Variants in KCNQ5 observed in about 807,000 individuals in gnomAD.
KCNQ5 encodes potassium voltage-gated channel subfamily KQT member 5.
Under a neutral mutation model 98.2 loss-of-function variants are expected in KCNQ5, and 30 were observed. The ratio of observed to expected loss-of-function variants is 0.31; its 90% CI spans 0.23 to 0.41. KCNQ5 has a LOEUF of 0.41. Ranked by LOEUF, KCNQ5 falls within the 10% of genes least tolerant of loss-of-function variation. The pLI is 1.00. For missense variants in KCNQ5, 835 were observed against 1,182.5 expected, an observed-to-expected ratio of 0.71 and a Z score of 4.31; for synonymous variants, 458 against 449.4, an observed-to-expected ratio of 1.02 and a Z score of -0.24.
chr6:73,014,971 A>T (rs1770256439), intron 2 of KCNQ5, among the ~76,000 whole-genome samples: 1 of 152,126 alleles, frequency 6.6e-6, no homozygotes, highest in African/African-American at 2.4e-5. Flanking sequence ...AGGTTTGCAC[A>T]TGAAATTGTA....
At chr6:73,163,200 G>T (rs1283928242) in intron 10 of KCNQ5, among the ~76,000 whole-genome samples, 1 of 151,568 alleles carries the variant, frequency 6.6e-6, no homozygotes, top group African/African-American at 2.4e-5. Context: ...ACCAGCCTGG[G>T]CAACATAACA....
chr6:72,743,643 T>C (rs2154476272), intron 1 of KCNQ5, among the ~76,000 whole-genome samples: 1 of 152,340 alleles, frequency 6.6e-6, no homozygotes, highest in Middle Eastern at 3.4e-3. Context: ...ATTCACTTTG[T>C]ATCTATTACA....
chr6:73,053,461 C>T (rs1332092799), intron 3 of KCNQ5, among the ~76,000 whole-genome samples: 1 of 152,124 alleles, frequency 6.6e-6, no homozygotes, highest in Non-Finnish European at 1.5e-5. Context: ...CTCATCTGCA[C>T]ATGGCCCATA....
At chr6:73,024,325 A>T (rs1486000251) in intron 2 of KCNQ5, among the ~76,000 whole-genome samples, 1 of 80,810 alleles carries the variant, frequency 1.2e-5, no homozygotes, top group East Asian at 3.9e-4. Flanking sequence ...GGTTACCCAC[A>T]TATGTGAACC....
intron 1 of KCNQ5, among the ~76,000 whole-genome samples, chr6:72,750,276 C>T (rs1771609578): frequency 6.6e-6 from 1 of 151,998 alleles, no homozygotes; most frequent in South Asian, 2.1e-4. Flanking sequence ...GAATAATCTG[C>T]ACAATCTGAT....
chr6:72,833,844 A>G (rs2150126331), intron 1 of KCNQ5, among the ~76,000 whole-genome samples: 1 of 152,276 alleles, frequency 6.6e-6, no homozygotes, highest in Admixed American at 6.5e-5. Context: ...ATATGATGGA[A>G]TAACTATACA....
At chr6:72,987,325 A>C (rs1353949059) in intron 1 of KCNQ5, 1 of 706,752 alleles carries the variant, frequency 1.4e-6, no homozygotes, top group Non-Finnish European at 2.7e-6. Flanking sequence ...GACGAGGCGC[A>C]CATAGACCAG....
At chr6:72,929,826 C>G (rs1010068531) in intron 1 of KCNQ5, among the ~76,000 whole-genome samples, 59 of 151,968 alleles carry the variant, frequency 3.9e-4, no homozygotes, top group African/African-American at 1.3e-3. Context: ...TAAAGAATAT[C>G]AAAAAGCCCA....
intron 1 of KCNQ5, among the ~76,000 whole-genome samples, chr6:72,961,490 C>T (rs542270596): frequency 1.2e-4 from 19 of 152,036 alleles, no homozygotes; most frequent in Non-Finnish European, 2.2e-4. Context: ...GGCGTGGTGG[C>T]GGGCGCCTGT....
intron 1 of KCNQ5, among the ~76,000 whole-genome samples, chr6:72,696,683 T>C (rs1768522623): frequency 6.6e-6 from 1 of 152,144 alleles, no homozygotes; most frequent in South Asian, 2.1e-4. Context: ...TATTAAAACA[T>C]AGACTTAAAA....
chr6:72,894,225 C>T (rs192262688), intron 1 of KCNQ5, among the ~76,000 whole-genome samples: 166 of 152,108 alleles, frequency 1.1e-3, no homozygotes, highest in African/African-American at 3.8e-3. Flanking sequence ...TTAACGTTTC[C>T]TGGGAAACAT....
At chr6:73,124,938 T>G (rs948383067) in intron 9 of KCNQ5, among the ~76,000 whole-genome samples, 1 of 45,502 alleles carries the variant, frequency 2.2e-5, no homozygotes, top group East Asian at 6.5e-4. Context: ...TTTGGAGTGA[T>G]ATATATATAT....
At chr6:72,785,871 A>T (rs908841217) in intron 1 of KCNQ5, among the ~76,000 whole-genome samples, 1 of 152,132 alleles carries the variant, frequency 6.6e-6, no homozygotes. Flanking sequence ...CGCAATAAAC[A>T]ATTACTTAGA....
chr6:72,894,369 G>C (rs552372757), intron 1 of KCNQ5, among the ~76,000 whole-genome samples: 1 of 152,298 alleles, frequency 6.6e-6, no homozygotes, highest in African/African-American at 2.4e-5. Flanking sequence ...CCCAACAGCT[G>C]TCACTGTACC....
chr6:72,846,752 A>G (rs143244753), intron 1 of KCNQ5, among the ~76,000 whole-genome samples: 187 of 152,314 alleles, frequency 1.2e-3, no homozygotes, highest in African/African-American at 4.3e-3. Context: ...GGCTGTTAAA[A>G]GTGTCAAATT....
intron 2 of KCNQ5, among the ~76,000 whole-genome samples, chr6:73,032,637 G>A (rs1264765744): frequency 6.6e-6 from 1 of 152,154 alleles, no homozygotes; most frequent in East Asian, 1.9e-4. Flanking sequence ...AGTTGCACTG[G>A]TTAATTTGTG....
intron 1 of KCNQ5, among the ~76,000 whole-genome samples, chr6:72,932,504 T>C (rs1426660603): frequency 6.6e-6 from 1 of 152,210 alleles, no homozygotes; most frequent in Non-Finnish European, 1.5e-5. Flanking sequence ...TGTATCACTT[T>C]GACAAAAATA....
chr6:72,920,732 A>G (rs1780355125), intron 1 of KCNQ5, among the ~76,000 whole-genome samples: 1 of 152,158 alleles, frequency 6.6e-6, no homozygotes, highest in Non-Finnish European at 1.5e-5. Flanking sequence ...AATACTTTTT[A>G]TATGTGTATT....
intron 1 of KCNQ5, among the ~76,000 whole-genome samples, chr6:72,887,722 A>G (rs1778900417): frequency 6.6e-6 from 1 of 152,170 alleles, no homozygotes; most frequent in African/African-American, 2.4e-5. Flanking sequence ...TGAGTTATGT[A>G]TGCATATTAG....
Sources: allele counts gnomAD v4.1 joint callset (sites outside exome capture counted in the v4.1 genomes callset), GRCh38; gene constraint gnomAD v4.1.1; transcripts MANE v1.5; gene names NCBI Gene and HGNC (gene_info 2026-07-23, HGNC 2026-07-21).